SYT1: variants seen among roughly 807,000 people sequenced by gnomAD.
SYT1 encodes the protein synaptotagmin 1.
In SYT1, 8 loss-of-function variants were observed where a neutral mutation model predicts 44.8. That is an observed-to-expected ratio of 0.18 (90% CI 0.10 to 0.32). The LOEUF (loss-of-function observed/expected upper bound fraction) is 0.32, where lower values mean the gene tolerates loss of function less well. SYT1 is among the 10% of genes least tolerant of loss of function. The pLI is 1.00. For synonymous variants in SYT1, 154 were observed against 188.8 expected, an observed-to-expected ratio of 0.82 and a Z score of 1.51; for missense variants, 286 against 509.3, an observed-to-expected ratio of 0.56 and a Z score of 4.22.
intron 3 of SYT1, among the ~76,000 whole-genome samples, chr12:79,189,542 G>A (rs1872991780): frequency 6.6e-6 from 1 of 152,050 alleles, no homozygotes; most frequent in Non-Finnish European, 1.5e-5. Flanking sequence ...TTCTTGATTT[G>A]TATATTTCAA....
intron 3 of SYT1, among the ~76,000 whole-genome samples, chr12:79,154,226 A>G (rs1264584083): frequency 6.6e-6 from 1 of 152,094 alleles, no homozygotes; most frequent in Admixed American, 6.6e-5. Flanking sequence ...AAGCTCTTCA[A>G]TTTCAGAAGC....
chr12:79,430,821 C>T (rs1372799661), intron 9 of SYT1, among the ~76,000 whole-genome samples: 1 of 152,142 alleles, frequency 6.6e-6, no homozygotes, highest in Non-Finnish European at 1.5e-5. Context: ...AAAAGAGACG[C>T]TCAGTAGGTA....
intron 1 of SYT1, among the ~76,000 whole-genome samples, chr12:78,938,741 G>A (rs1878198611): frequency 6.6e-6 from 1 of 152,212 alleles, no homozygotes; most frequent in Non-Finnish European, 1.5e-5. Context: ...GATTGGACCA[G>A]AGGATAAATG....
At chr12:79,338,607 TCC>T (rs1882198204) in intron 8 of SYT1, among the ~76,000 whole-genome samples, 1 of 147,938 alleles carries the variant, frequency 6.8e-6, no homozygotes, top group Non-Finnish European at 1.5e-5. Flanking sequence ...CTTCAATCCC[TCC>T]CTGCCTCCCT....
chr12:79,403,889 G>T lies in SYT1; in HGVS notation c.929-40184G>T, dbSNP rs1458018008. Among the ~76,000 whole-genome samples, 6 of 152,144 alleles carry T rather than the reference G, an allele frequency of 3.9e-5. No homozygotes were observed. The East Asian group carries it at 1.2e-3, about 29-fold the overall frequency. ...GTGGTTCCAATGAAGGCTAAAGTTT[G>T]AAAACAACTCTCTTAGAAGTTGCTT... On this transcript the variant is annotated intron_variant, in intron 9 of 10. Transcript: ENST00000261205.
chr12:78,927,100 C>T (rs190148435), intron 1 of SYT1, among the ~76,000 whole-genome samples: 38 of 152,232 alleles, frequency 2.5e-4, no homozygotes, highest in African/African-American at 9.1e-4. Context: ...GATTCAACAA[C>T]GTTTCCAAGT....
intron 4 of SYT1, among the ~76,000 whole-genome samples, chr12:79,280,876 G>T (rs1879012926): frequency 3.3e-5 from 5 of 151,400 alleles, no homozygotes; most frequent in African/African-American, 1.2e-4. Flanking sequence ...CATACAAGTG[G>T]CCAACAAACA....
chr12:79,026,688 T>TAC (rs1339316299), intron 2 of SYT1, among the ~76,000 whole-genome samples: 39 of 138,850 alleles, frequency 2.8e-4, no homozygotes, highest in African/African-American at 9.9e-4. Flanking sequence ...TATATATATA[T>TAC]ATATATATAT....
chr12:79,225,851 CCATT>C (rs1875485674), intron 4 of SYT1, among the ~76,000 whole-genome samples: 2 of 152,174 alleles, frequency 1.3e-5, no homozygotes, highest in Non-Finnish European at 2.9e-5. Flanking sequence ...AAATTGCAAT[CCATT>C]CATCTCACCC....
At chr12:79,246,264 C>T (rs551795655) in intron 4 of SYT1, among the ~76,000 whole-genome samples, 1 of 152,202 alleles carries the variant, frequency 6.6e-6, no homozygotes, top group East Asian at 1.9e-4. Flanking sequence ...TACTTATTTT[C>T]GCCTCTACTC....
chr12:78,911,610 A>G (rs866264461), intron 1 of SYT1, among the ~76,000 whole-genome samples: 105 of 152,000 alleles, frequency 6.9e-4, no homozygotes, highest in African/African-American at 2.5e-3. Context: ...AAACTGAAAA[A>G]TGTCTGTTAG....
At chr12:79,339,882 A>C (rs1717990339) in intron 8 of SYT1, among the ~76,000 whole-genome samples, 1 of 152,178 alleles carries the variant, frequency 6.6e-6, no homozygotes, top group East Asian at 1.9e-4. Flanking sequence ...TCAGCTTTCT[A>C]CATAATGGCT....
chr12:79,202,940 C>T (rs962750702), intron 3 of SYT1, among the ~76,000 whole-genome samples: 1 of 152,110 alleles, frequency 6.6e-6, no homozygotes, highest in African/African-American at 2.4e-5. Flanking sequence ...GTAGGGAAGA[C>T]ACAACCCTGT....
chr12:79,058,502 TA>T (rs1383304360), intron 3 of SYT1, among the ~76,000 whole-genome samples: 1 of 152,086 alleles, frequency 6.6e-6, no homozygotes, highest in African/African-American at 2.4e-5. Context: ...GCCTTTTCTT[TA>T]AAGTGGTTTT....
intron 9 of SYT1, among the ~76,000 whole-genome samples, chr12:79,440,081 CTGGGCATG>C (rs1870322405): frequency 6.6e-6 from 1 of 152,054 alleles, no homozygotes; most frequent in African/African-American, 2.4e-5. Context: ...CAAAAATTAG[CTGGGCATG>C]TGCCTGTAAT....
At chr12:79,266,952 A>G (rs1878163176) in intron 4 of SYT1, among the ~76,000 whole-genome samples, 1 of 152,162 alleles carries the variant, frequency 6.6e-6, no homozygotes, top group South Asian at 2.1e-4. Context: ...CTTCCCTTTC[A>G]TGACTGTAAA....
At chr12:79,124,438 C>T (rs953730965) in intron 3 of SYT1, among the ~76,000 whole-genome samples, 1 of 152,134 alleles carries the variant, frequency 6.6e-6, no homozygotes, top group Non-Finnish European at 1.5e-5. Flanking sequence ...CAACTTACGA[C>T]TCTTCTTTGG....
intron 3 of SYT1, among the ~76,000 whole-genome samples, chr12:79,211,096 G>C (rs75670466): frequency 0.028 from 4,283 of 151,872 alleles, 118 homozygotes; most frequent in East Asian, 0.12. Flanking sequence ...GGGAAAAGTG[G>C]GTATTCTTCC....
chr12:78,914,443 T>TTTAATGCA (rs1876526984), intron 1 of SYT1, among the ~76,000 whole-genome samples: 1 of 149,786 alleles, frequency 6.7e-6, no homozygotes, highest in East Asian at 2.0e-4. Context: ...CACCAAGCAG[T>TTTAATGCA]TTAATGCATT....
Sources: gnomAD v4.1 joint callset for allele counts (sites outside exome capture counted in the v4.1 genomes callset) on GRCh38, gnomAD v4.1.1 for gene constraint, MANE v1.5 for transcripts, NCBI Gene and HGNC (gene_info 2026-07-23, HGNC 2026-07-21) for gene names.